ASPM: variants seen among roughly 807,000 people sequenced by gnomAD.
The protein encoded by ASPM is assembly factor for spindle microtubules.
ASPM carries 256 observed loss-of-function variants against 366.4 expected under a neutral mutation model. The ratio of observed to expected loss-of-function variants is 0.70; its 90% CI spans 0.63 to 0.77. ASPM has a LOEUF of 0.77. Ranked by LOEUF, ASPM falls within the 30% of genes least tolerant of loss-of-function variation. The pLI is 0.00. For missense variants in ASPM, 4,146 were observed against 4,090.4 expected (o/e 1.01, Z -0.37); for synonymous variants, 1,414 against 1,342.9 (o/e 1.05, Z -1.16).
rs747447950 is a variant in ASPM at position 197,100,809 on chromosome 1, TTGAGAA to T, written c.8436_8441del (p.His2812_Ser2813del). 1 of 1,612,602 alleles carries T rather than the reference TTGAGAA, an allele frequency of 6.2e-7. No individual in the cohort carries two copies. The highest frequency in any genetic ancestry group is 8.5e-7 in the Non-Finnish European group (1 of 1,179,116). On this transcript the variant is annotated inframe_deletion, in exon 18 of 28. Coordinates refer to ENST00000367409, the MANE Select transcript of ASPM (RefSeq NM_018136.5). ...TTTGAATTGTTACTGCAGCCCTACTTTGAGAATGATACTCTGCTTCCTGTGAACAAG... is the reference window on the plus strand; with the variant it reads ...TTTGAATTGTTACTGCAGCCCTACTTTGATACTCTGCTTCCTGTGAACAAG...
Position 197,103,533 on chromosome 1 carries a change from A to C in ASPM, c.5718T>G (p.Ser1906=). The C allele has an allele frequency of 1.2e-6, 2 of 1,613,258 alleles. No individual in the cohort carries two copies. Among genetic ancestry groups the C allele is most frequent in the Non-Finnish European group, 1.7e-6 (2 of 1,179,542 alleles). Residue 1906 remains serine (S), a synonymous_variant, in exon 18 of 28, where the codon TCT becomes TCG. Coordinates refer to ENST00000367409, the MANE Select transcript of ASPM (RefSeq NM_018136.5). The part of the protein sequence containing the change: ...REHQAALKIQ[S]AFRMAKAQKQ... Reference sequence around the variant, plus strand: ...TCTGGGCCTTGGCCATTCTAAAAGCAGACTGAATCTTCAAGGCAGCTTGAT... The same window carrying C: ...TCTGGGCCTTGGCCATTCTAAAAGCCGACTGAATCTTCAAGGCAGCTTGAT...
Position 197,105,055 on chromosome 1 carries a change from G to A in ASPM, c.4196C>T (p.Thr1399Ile), listed in dbSNP as rs971340098. ...SYKRYLWATV[T>I]IQRHWRAYLR... ...ATAAGCACGCCAATGCCTCTGAATT[G>A]TAACTGTAGCCCAAAGATATCGTTT... is the stretch of plus-strand genomic sequence containing the variant. The change falls in exon 18 of 28, where the codon ACA (threonine) becomes ATA (isoleucine). Residue 1399 changes from threonine (T) to isoleucine (I), a missense_variant. Transcript: ENST00000367409. 2 of 1,609,998 alleles carry A rather than the reference G, an allele frequency of 1.2e-6. No homozygotes were observed. The highest frequency in any genetic ancestry group is 2.2e-5 in the East Asian group (1 of 44,732).
At position 197,129,313 on chromosome 1, in the gene ASPM, A is replaced by G. The variant is rs1257985954; in HGVS notation, c.2634T>C (p.His878=). 23 of 1,612,632 alleles carry G rather than the reference A, an allele frequency of 1.4e-5. No individual in the cohort carries two copies. Among genetic ancestry groups the G allele is most frequent in the East Asian group, 2.2e-5 (1 of 44,730 alleles). ...ATGTAAACTTGGACAAAGCTTCTTCATGACCTTAAATAAAGTACAAAAAAG... is the reference window on the plus strand; with the variant it reads ...ATGTAAACTTGGACAAAGCTTCTTCGTGACCTTAAATAAAGTACAAAAAAG... ...PTVPHLYRDG[H]EEALSKFTLK... The change falls in exon 9 of 28, where the codon CAT becomes CAC. Residue 878 remains histidine, a synonymous_variant. Transcript: ENST00000367409.
Position 197,143,364 on chromosome 1 carries a change from A to G in ASPM, c.888T>C (p.Leu296=). The G allele has an allele frequency of 6.2e-7, 1 of 1,613,902 alleles. No individual in the cohort carries two copies. The highest frequency in any genetic ancestry group is 1.1e-5 in the South Asian group (1 of 91,080). The change falls in exon 3 of 28, where the codon CTT becomes CTC. Residue 296 remains leucine (L), a synonymous_variant. Transcript: ENST00000367409. ...TTGAAGAACAGTTGGGGGTAAGACT[A>G]AGTTTACTATTCTCTCCTCTTTGGC... is the stretch of plus-strand genomic sequence containing the variant. ...VNGQRGENSK[L]SLTPNCSSTL... is the part of the protein sequence containing the mutation.
At chr1:197,133,255 T>C (rs2125109351) in intron 6 of ASPM, 95 bp downstream of exon 6, 1 of 1,331,236 alleles carries the variant, frequency 7.5e-7, no homozygotes, top group Non-Finnish European at 1.0e-6. Context: ...CAGTTTTACC[T>C]GTCAATTATA....
chr1:197,084,853 C>T (rs569681794), intron 27 of ASPM, among the ~76,000 whole-genome samples: 2 of 152,280 alleles, frequency 1.3e-5, no homozygotes, highest in South Asian at 2.1e-4. Context: ...TTAATATGAT[C>T]ACATACTAGA....
intron 17 of ASPM, among the ~76,000 whole-genome samples, chr1:197,105,531 C>T (rs930137236): frequency 4.0e-5 from 6 of 151,892 alleles, no homozygotes; most frequent in Non-Finnish European, 8.8e-5. Flanking sequence ...TAAGTAATTT[C>T]CTATGAGTTT....
At chr1:197,095,962 T>A (rs550185646) in intron 19 of ASPM, 36 bp downstream of exon 19, 3 of 1,542,430 alleles carry the variant, frequency 1.9e-6, no homozygotes, top group Non-Finnish European at 2.7e-6. Flanking sequence ...CACACACAAA[T>A]ACTTTTACAC....
chr1:197,129,889 A>C, intron 8 of ASPM, 26 bp downstream of exon 8: 2 of 1,603,374 alleles, frequency 1.2e-6, no homozygotes, highest in Non-Finnish European at 1.7e-6. Context: ...ATGTGGAGAG[A>C]ATGTAGGAGA....
At chr1:197,141,538 T>C (rs750013607) in intron 3 of ASPM, among the ~76,000 whole-genome samples, 27 of 152,170 alleles carry the variant, frequency 1.8e-4, no homozygotes, top group Non-Finnish European at 3.7e-4. Flanking sequence ...AAAAAGTAAA[T>C]TTCTAAGGAG....
At chr1:197,107,407 C>T (rs572456487) in intron 17 of ASPM, among the ~76,000 whole-genome samples, 4 of 152,224 alleles carry the variant, frequency 2.6e-5, no homozygotes, top group African/African-American at 9.6e-5. Flanking sequence ...GAACAGGTGG[C>T]CTGAACCCAA....
Position 197,102,542 on chromosome 1 carries a change from T to A in ASPM, c.6709A>T (p.Asn2237Tyr). The A allele has an allele frequency of 6.2e-7, 1 of 1,612,598 alleles. No individual in the cohort carries two copies. The highest frequency in any genetic ancestry group is 8.5e-7 in the Non-Finnish European group (1 of 1,179,254). ...TATATTACAGAATGCCTCAGTTTGT[T>A]ATACCTTTGAAATTGTATGTTTCTT... ...KERNIQFQRYNKLRHSVIYIQ... is the reference protein window; with the variant it reads ...KERNIQFQRYYKLRHSVIYIQ... The change falls in exon 18 of 28, where the codon AAC becomes TAC. Residue 2237 changes from asparagine (N) to tyrosine (Y), a missense_variant. Around this residue, in one of 3 missense-constraint regions of ASPM, gnomAD observed 3,624 missense variants for 3,591.7 expected, o/e 1.01. Coordinates refer to ENST00000367409, the MANE Select transcript of ASPM (RefSeq NM_018136.5).
chr1:197,133,637 A>T (rs1336980838), intron 5 of ASPM, 42 bp from the exon 6 acceptor site: 8 of 1,590,616 alleles, frequency 5.0e-6, no homozygotes, highest in Non-Finnish European at 6.9e-6. Flanking sequence ...GTTAAACAAT[A>T]TCTCTACATA....
intron 17 of ASPM, among the ~76,000 whole-genome samples, chr1:197,111,873 G>A (rs1022729362): frequency 6.6e-6 from 1 of 152,176 alleles, no homozygotes; most frequent in East Asian, 1.9e-4. Flanking sequence ...AGATGCTGGT[G>A]AGGTTGTAGA....
chr1:197,091,872 A>G, intron 22 of ASPM, 35 bp downstream of exon 22: 1 of 1,599,268 alleles, frequency 6.3e-7, no homozygotes. Flanking sequence ...CAGAAAAATT[A>G]TATCATATAG....
chr1:197,101,264 C>A lies in ASPM; in HGVS notation c.7987G>T (p.Ala2663Ser), dbSNP rs1274331283. The change falls in exon 18 of 28, where the codon GCA becomes TCA. Residue 2663 changes from alanine (A) to serine (S), a missense_variant. By Grantham distance (99) the Ala-to-Ser change is moderately conservative. Transcript: ENST00000367409. The part of the protein sequence containing the change: ...SIQRRYRKLT[A>S]VRTQAVICIQ... ...CAAATAACTGCTTGGGTACGCACTG[C>A]AGTTAGTTTTCTGTATCTTCTTTGA... 2.5e-6 allele frequency: 4 copies of A among 1,612,050 alleles called. No homozygotes were observed. Among genetic ancestry groups the A allele is most frequent in the Non-Finnish European group, 3.4e-6 (4 of 1,178,912 alleles).
Position 197,101,220 on chromosome 1 carries a change from T to C in ASPM, c.8031A>G (p.Arg2677=). The C allele has an allele frequency of 6.2e-7, 1 of 1,612,340 alleles. No individual in the cohort carries two copies. Among genetic ancestry groups the C allele is most frequent in the Non-Finnish European group, 8.5e-7 (1 of 1,179,044 alleles). Residue 2677 remains arginine (R), a synonymous_variant, in exon 18 of 28, where the codon AGA becomes AGG. Coordinates refer to ENST00000367409, the MANE Select transcript of ASPM (RefSeq NM_018136.5). ...GAATATCCTTTCGTACTTTAAAGCC[T>C]CTGTAATAAGACTGTATACAAATAA... ...QAVICIQSYY[R]GFKVRKDIQN...
Position 197,101,301 on chromosome 1 carries a change from T to A in ASPM, c.7950A>T (p.Thr2650=), listed in dbSNP as rs758042126. ...IRKHYLHLRA[T]VVSIQRRYRK... The stretch of plus-strand genomic sequence containing the variant: ...TGTATCTTCTTTGAATAGAAACTAC[T>A]GTTGCTCTAAGGTGGAGATAATGCT... Residue 2650 remains threonine (T), a synonymous_variant, in exon 18 of 28, where the codon ACA becomes ACT. Coordinates refer to ENST00000367409, the MANE Select transcript of ASPM (RefSeq NM_018136.5). 2 of 1,611,986 alleles carry A rather than the reference T, an allele frequency of 1.2e-6. No individual in the cohort carries two copies. The highest frequency in any genetic ancestry group is 2.2e-5 in the East Asian group (1 of 44,742).
chr1:197,129,716 T>G (rs1658205556), intron 8 of ASPM, among the ~76,000 whole-genome samples, 199 bp downstream of exon 8: 1 of 151,962 alleles, frequency 6.6e-6, no homozygotes, highest in South Asian at 2.1e-4. Flanking sequence ...AGAGGATGGG[T>G]AGAGACAACA....
Sources: gnomAD v4.1 joint callset for allele counts (sites outside exome capture counted in the v4.1 genomes callset) on GRCh38, gnomAD v4.1.1 for gene constraint, gnomAD v4.1.1 regional missense constraint, MANE v1.5 for transcripts, NCBI Gene and HGNC (gene_info 2026-07-23, HGNC 2026-07-21) for gene names.